The following WSB2 variants were observed in gnomAD, a reference collection of about 807,000 sequenced individuals.
WSB2 encodes WD repeat and SOCS box-containing protein 2.
Under a neutral mutation model 48.8 loss-of-function variants are expected in WSB2, and 12 were observed. That is an observed-to-expected ratio of 0.25 (90% CI 0.16 to 0.40). The LOEUF (loss-of-function observed/expected upper bound fraction) is 0.40, where lower values mean the gene tolerates loss of function less well. Among genes scored for constraint, WSB2 ranks in the 10% least tolerant of loss-of-function variants. The probability of loss-of-function intolerance (pLI) is 1.00; values close to 1 mark genes in which losing one functional copy is unlikely to be tolerated. For missense variants in WSB2, 317 were observed against 506.2 expected (o/e 0.63, Z 3.59); for synonymous variants, 191 against 203.1 (o/e 0.94, Z 0.51).
intron 8 of WSB2, 54 bp from the exon 9 acceptor site, chr12:118,034,412 A>G (rs1240771856): frequency 2.9e-5 from 46 of 1,596,090 alleles, no homozygotes; most frequent in Non-Finnish European, 3.9e-5. Flanking sequence ...TCATGTTTTC[A>G]TGAGGATGAA....
At chr12:118,034,390 G>A (rs1308077204) in intron 8 of WSB2, 32 bp from the exon 9 acceptor site, 1 of 1,604,780 alleles carries the variant, frequency 6.2e-7, no homozygotes, top group Non-Finnish European at 8.5e-7. Context: ...TGCTAAGACA[G>A]AGCTTGGATG....
chr12:118,047,499 T>C (rs949572042), intron 2 of WSB2, among the ~76,000 whole-genome samples: 2 of 152,246 alleles, frequency 1.3e-5, no homozygotes, highest in Non-Finnish European at 2.9e-5. Context: ...TACATGATTT[T>C]TAAAAAATGT....
Position 118,060,646 on chromosome 12 carries a change from A to G in WSB2, c.13+390T>C, listed in dbSNP as rs1215908543. ...GGACAGAGGTGACTCCCATCCAGAC[A>G]TGCAAGTGCGTCCCCTGGCACCTGG... On this transcript the variant is annotated intron_variant, in intron 1 of 8. Coordinates refer to ENST00000315436, the MANE Select transcript of WSB2 (RefSeq NM_018639.5). This position sits in a 1 kb window ranked among gnomAD's most constrained non-coding sequence, Gnocchi z 4.1. 6.6e-6 allele frequency among the ~76,000 whole-genome samples: 1 copy of G among 151,966 alleles called. No homozygotes were observed. The highest frequency in any genetic ancestry group is 1.5e-5 in the Non-Finnish European group (1 of 67,958).
intron 4 of WSB2, among the ~76,000 whole-genome samples, chr12:118,039,979 C>T (rs955551105): frequency 3.3e-5 from 5 of 151,942 alleles, no homozygotes; most frequent in Admixed American, 6.6e-5. Context: ...CTCCTGACCT[C>T]GAGTGATCCG....
At chr12:118,036,900 G>A (rs942066723) in intron 5 of WSB2, among the ~76,000 whole-genome samples, 9 of 152,168 alleles carry the variant, frequency 5.9e-5, no homozygotes, top group Admixed American at 5.2e-4. Flanking sequence ...AAATGTCAGC[G>A]GCCAGGCACG....
At chr12:118,042,650 C>G (rs2031660547) in intron 4 of WSB2, 191 bp downstream of exon 4, 3 of 766,904 alleles carry the variant, frequency 3.9e-6, no homozygotes, top group South Asian at 1.9e-5. Context: ...GTATTAAACT[C>G]TATTTGGTAT....
At position 118,043,743 on chromosome 12, in the gene WSB2, G is replaced by A. The variant is rs542559756; in HGVS notation, c.183-366C>T. ...ATTACTGGCATAAGCCACCCCACCCGGCCACATAAGACTTTAAATCCTAGA... is the reference window on the plus strand; with the variant it reads ...ATTACTGGCATAAGCCACCCCACCCAGCCACATAAGACTTTAAATCCTAGA... On this transcript the variant is annotated intron_variant, in intron 2 of 8. Coordinates refer to ENST00000315436, the MANE Select transcript of WSB2 (RefSeq NM_018639.5). 2.7e-5 allele frequency among the ~76,000 whole-genome samples: 4 copies of A among 149,070 alleles called. No individual in the cohort carries two copies. The South Asian group carries it at 7.1e-4, about 26-fold the overall frequency.
chr12:118,043,247 G>A lies in WSB2; in HGVS notation c.313C>T (p.Pro105Ser), dbSNP rs768369761. The A allele has an allele frequency of 8.8e-5, 142 of 1,614,104 alleles. No individual in the cohort carries two copies. Among genetic ancestry groups the A allele is most frequent in the Non-Finnish European group, 1.2e-4 (136 of 1,180,038 alleles). The change falls in exon 3 of 9, where the codon CCA becomes TCA. Residue 105 changes from proline (P) to serine (S), a missense_variant. Around this residue, in one of 2 missense-constraint regions of WSB2, gnomAD observed 128 missense variants for 156.7 expected, o/e 0.82. Transcript: ENST00000315436. ...CGTGCCCAGAGCTTCCTGCTGGGTG[G>A]GGAAGGCCACGGGCTGAAGGCCAGC... is the stretch of plus-strand genomic sequence containing the variant. ...WGLAFSPWPS[P>S]PSRKLWARHH...
chr12:118,042,682 A>G (rs1593466178), intron 4 of WSB2, 159 bp downstream of exon 4: 1 of 1,105,972 alleles, frequency 9.0e-7, no homozygotes, highest in East Asian at 2.4e-5. Context: ...TGGGGCGGGC[A>G]GGGGCGATTA....
chr12:118,045,105 G>A lies in WSB2; in HGVS notation c.183-1728C>T, dbSNP rs781016549. Among the ~76,000 whole-genome samples, 121 of 152,270 alleles carry A rather than the reference G, an allele frequency of 7.9e-4. 1 individual carries two copies. The highest frequency in any genetic ancestry group is 1.4e-3 in the Non-Finnish European group (94 of 68,024). On this transcript the variant is annotated intron_variant, in intron 2 of 8. Coordinates refer to ENST00000315436, the MANE Select transcript of WSB2 (RefSeq NM_018639.5). ...AAAAGAATTTTAACTGGCCGGGTGC[G>A]GTGGCTCATGCTTGTAATCCCAGCA...
intron 1 of WSB2, among the ~76,000 whole-genome samples, chr12:118,057,555 G>A (rs568197348): frequency 7.2e-5 from 11 of 152,224 alleles, no homozygotes; most frequent in South Asian, 6.2e-4. Flanking sequence ...GATTGCAGGC[G>A]TGAGTCACCG....
intron 5 of WSB2, among the ~76,000 whole-genome samples, chr12:118,037,676 A>G (rs1250902894): frequency 6.6e-6 from 1 of 151,188 alleles, no homozygotes; most frequent in East Asian, 1.9e-4. Flanking sequence ...CTAAAAAAAA[A>G]AAAAAAGAAA....
chr12:118,059,242 A>G (rs1274028888), intron 1 of WSB2, among the ~76,000 whole-genome samples: 1 of 152,238 alleles, frequency 6.6e-6, no homozygotes, highest in Non-Finnish European at 1.5e-5. Flanking sequence ...AATTTATTTG[A>G]TTACATGTAG....
chr12:118,054,217 CA>C (rs61421772), intron 1 of WSB2, among the ~76,000 whole-genome samples: 806 of 56,044 alleles, frequency 0.014, 21 homozygotes, highest in Middle Eastern at 0.06. Flanking sequence ...ACTAAAAATC[CA>C]AAAAAAAAAA....
At chr12:118,061,993 A>T (rs2032079929), upstream of WSB2, 1 of 1,090,070 alleles carries the variant, frequency 9.2e-7, no homozygotes, top group African/African-American at 1.7e-5. Flanking sequence ...TGAGGAGAAC[A>T]CGGGGCGGTG....
In WSB2 at chr12:118,035,216, G is replaced by A; in HGVS notation, c.942C>T (p.Asp314=). 6.2e-7 allele frequency: 1 copy of A among 1,614,182 alleles called. No homozygotes were observed. The highest frequency in any genetic ancestry group is 8.5e-7 in the Non-Finnish European group (1 of 1,180,012). The change falls in exon 7 of 9, where the codon GAC becomes GAT. Residue 314 remains aspartate (D), a splice_region_variant and synonymous_variant. Transcript: ENST00000315436. ...GTAAAGAGAGTTCTCTTCGTTACCT[G>A]TCATCTGCCACCGTGGCAAGGTACA... ...EGLYLATVAD[D]RLLRIWALEL...
At chr12:118,046,479 A>C (rs1426227799) in intron 2 of WSB2, among the ~76,000 whole-genome samples, 1 of 152,004 alleles carries the variant, frequency 6.6e-6, no homozygotes, top group East Asian at 1.9e-4. Flanking sequence ...AAAAAAAAAA[A>C]AAAAGAAAGA....
intron 6 of WSB2, 98 bp from the exon 7 acceptor site, chr12:118,035,422 A>G (rs930556851): frequency 9.7e-7 from 1 of 1,032,206 alleles, no homozygotes; most frequent in African/African-American, 1.6e-5. Context: ...CCTGGCTACA[A>G]AAGGGCTCAA....
At chr12:118,062,101 A>C, upstream of WSB2, 1 of 1,535,186 alleles carries the variant, frequency 6.5e-7, no homozygotes, top group African/African-American at 1.4e-5. Flanking sequence ...TTACCTACCT[A>C]CGGCGACAGC....
Sources: gnomAD v4.1 joint callset for allele counts (sites outside exome capture counted in the v4.1 genomes callset) on GRCh38, gnomAD v4.1.1 for gene constraint, gnomAD v4.1.1 regional missense constraint, Gnocchi (gnomAD v3.1) non-coding constraint, MANE v1.5 for transcripts, NCBI Gene and HGNC (gene_info 2026-07-23, HGNC 2026-07-21) for gene names.